The following KLF15 variants were observed in gnomAD, a reference collection of about 807,000 sequenced individuals.
KLF15 encodes the protein KLF transcription factor 15.
In KLF15, 4 loss-of-function variants were observed where a neutral mutation model predicts 24.6. That is an observed-to-expected ratio of 0.16 (90% CI 0.08 to 0.37). The LOEUF (loss-of-function observed/expected upper bound fraction) is 0.37. Among genes scored for constraint, KLF15 ranks in the 10% least tolerant of loss-of-function variants. The pLI, the probability that KLF15 is intolerant of heterozygous loss-of-function variation, is 1.00. For synonymous variants in KLF15, 246 were observed against 236.3 expected, an observed-to-expected ratio of 1.04 and a Z score of -0.37; for missense variants, 496 against 560.6, an observed-to-expected ratio of 0.88 and a Z score of 1.16.
chr3:126,289,972 A>G, the KLF15 span, among the ~76,000 whole-genome samples: 1 of 152,230 alleles, frequency 6.6e-6, no homozygotes, highest in African/African-American at 2.4e-5. Context: ...GCAAAAGAAA[A>G]GGAGCATGTA....
Position 126,351,948 on chromosome 3 carries a change from G to A in KLF15, c.975C>T (p.Phe325=). The change falls in exon 2 of 3, where the codon TTC becomes TTT. Residue 325 remains phenylalanine, a synonymous_variant. Coordinates refer to ENST00000296233, the MANE Select transcript of KLF15 (RefSeq NM_014079.4). The part of the protein sequence containing the change: ...AELIKMHKCT[F]PGCSKMYTKS... Reference sequence around the variant, plus strand: ...TGGTGTACATCTTGCTGCAGCCAGGGAAAGTACATTTGTGCATTTTGATGA... The same window carrying A: ...TGGTGTACATCTTGCTGCAGCCAGGAAAAGTACATTTGTGCATTTTGATGA... 1.2e-6 allele frequency: 2 copies of A among 1,612,980 alleles called. No homozygotes were observed. The highest frequency in any genetic ancestry group is 1.7e-6 in the Non-Finnish European group (2 of 1,179,494).
At position 126,351,919 on chromosome 3, in the gene KLF15, C is replaced by T. The variant is rs199639408; in HGVS notation, c.1004G>A (p.Ser335Asn). The T allele has an allele frequency of 6.8e-6, 11 of 1,614,040 alleles. No individual in the cohort carries two copies. The highest frequency in any genetic ancestry group is 9.3e-6 in the Non-Finnish European group (11 of 1,179,972). Residue 335 changes from serine to asparagine, a missense_variant, in exon 2 of 3, where the codon AGC becomes AAC. Transcript: ENST00000296233. ...GCGCAGGTGGGCCTTGAGGTGGCTG[C>T]TTTTGGTGTACATCTTGCTGCAGCC... ...FPGCSKMYTK[S>N]SHLKAHLRRH... is the part of the protein sequence containing the mutation.
chr3:126,344,932 C>T lies in KLF15; in HGVS notation c.1083-1037G>A, dbSNP rs533763437. Among the ~76,000 whole-genome samples, 6 of 152,354 alleles carry T rather than the reference C, an allele frequency of 3.9e-5. No individual in the cohort carries two copies. In the South Asian group the frequency reaches 1.2e-3, roughly 32 times the overall value. ...AGGGCCTGGACTGCTTGCCACCAAC[C>T]TCAGGGATTTGAGGCCCTCTCCACC... On this transcript the variant is annotated intron_variant, in intron 2 of 2. Coordinates refer to ENST00000296233, the MANE Select transcript of KLF15 (RefSeq NM_014079.4).
At chr3:126,315,187 C>T in the KLF15 span, among the ~76,000 whole-genome samples, 1 of 152,122 alleles carries the variant, frequency 6.6e-6, no homozygotes, top group East Asian at 1.9e-4. Flanking sequence ...TTTATAAGGA[C>T]ACCAGTCATA....
chr3:126,294,584 G>T, the KLF15 span, among the ~76,000 whole-genome samples: 7 of 152,116 alleles, frequency 4.6e-5, no homozygotes. Flanking sequence ...CAGTCCAAAG[G>T]GTGGCTCGAG....
the KLF15 span, among the ~76,000 whole-genome samples, chr3:126,299,911 G>A: frequency 5.3e-5 from 8 of 152,196 alleles, no homozygotes; most frequent in East Asian, 1.9e-4. Flanking sequence ...TCCAGGCTCC[G>A]TGACTGAGAG....
At chr3:126,351,521 C>G (rs890858348) in intron 2 of KLF15, among the ~76,000 whole-genome samples, 2 of 152,072 alleles carry the variant, frequency 1.3e-5, no homozygotes, top group Non-Finnish European at 2.9e-5. Context: ...GCCCCTAGAC[C>G]GCACTCATCC....
intron 1 of KLF15, among the ~76,000 whole-genome samples, chr3:126,355,979 G>A (rs898980769): frequency 2.0e-5 from 3 of 152,220 alleles, no homozygotes; most frequent in African/African-American, 4.8e-5. Context: ...TGCAGGGGGA[G>A]GGGACACGCT....
rs920637125 is a variant in KLF15, at chr3:126,356,651, G to T, written c.-26+586C>A. Among the ~76,000 whole-genome samples the T allele has an allele frequency of 6.6e-6, 1 of 152,124 alleles. No individual in the cohort carries two copies. The highest frequency in any genetic ancestry group is 2.4e-5 in the African/African-American group (1 of 41,432). On this transcript the variant is annotated intron_variant, in intron 1 of 2. Transcript: ENST00000296233. The surrounding 1 kb of genome is among the most constrained non-coding windows in gnomAD (Gnocchi z 4.4). ...CGCGGCAGCCGCTGTGGCTGTGCGGGAGGCTGTCCGCGAAGGACTCGCGCG... is the reference window on the plus strand; with the variant it reads ...CGCGGCAGCCGCTGTGGCTGTGCGGTAGGCTGTCCGCGAAGGACTCGCGCG...
rs142441515 is a variant in KLF15, at chr3:126,351,760, A to G, written c.1082+81T>C. On this transcript the variant is annotated intron_variant, in intron 2 of 2. Transcript: ENST00000296233. The stretch of plus-strand genomic sequence containing the variant: ...CTCATCTACCTTCTGTTAATGGTGG[A>G]AAATGGCCCTGCTGCACACCCAAGT... 1,015 of 804,248 alleles carry G rather than the reference A, an allele frequency of 1.3e-3. 14 individuals are homozygous for G. In the African/African-American group the frequency reaches 0.017, roughly 13 times the overall value. The allele number at this position is 804,248 out of a possible 1,614,324, so 49.8% of individuals were successfully genotyped here.
chr3:126,310,861 T>C, the KLF15 span, among the ~76,000 whole-genome samples: 1 of 152,204 alleles, frequency 6.6e-6, no homozygotes, highest in Non-Finnish European at 1.5e-5. Context: ...GGGGACACAA[T>C]GCAGCTCACA....
the KLF15 span, chr3:126,293,921 C>G: frequency 6.6e-6 from 1 of 152,276 alleles, no homozygotes; most frequent in African/African-American, 2.4e-5. Context: ...AGACTCACCT[C>G]GCCGTGGTCT....
chr3:126,323,232 C>T, the KLF15 span, among the ~76,000 whole-genome samples: 2 of 149,692 alleles, frequency 1.3e-5, no homozygotes, highest in South Asian at 4.2e-4. Context: ...TTTCTTTCCC[C>T]ACCCACCTCA....
At chr3:126,353,392 T>A (rs2082603845) in intron 1 of KLF15, among the ~76,000 whole-genome samples, 1 of 152,184 alleles carries the variant, frequency 6.6e-6, no homozygotes, top group Admixed American at 6.5e-5. Flanking sequence ...AGTCACAGAA[T>A]GGGGGTAGAA....
the KLF15 span, among the ~76,000 whole-genome samples, chr3:126,319,239 G>C: frequency 6.6e-6 from 1 of 152,192 alleles, no homozygotes; most frequent in Non-Finnish European, 1.5e-5. Flanking sequence ...ATGAGTAAAG[G>C]TGCTATCAAT....
At chr3:126,309,348 G>GAGCT in the KLF15 span, among the ~76,000 whole-genome samples, 1 of 152,196 alleles carries the variant, frequency 6.6e-6, no homozygotes, top group African/African-American at 2.4e-5. Context: ...GTGCATCCTG[G>GAGCT]AGCTGAGTGA....
chr3:126,318,337 G>A, the KLF15 span, among the ~76,000 whole-genome samples: 177 of 152,262 alleles, frequency 1.2e-3, 1 homozygote, highest in African/African-American at 3.8e-3. Flanking sequence ...TATGCCCAGG[G>A]ATTAGCCTGG....
chr3:126,334,029 C>G, the KLF15 span, among the ~76,000 whole-genome samples: 1 of 152,138 alleles, frequency 6.6e-6, no homozygotes, highest in Admixed American at 6.5e-5. Flanking sequence ...AGAAAGTCAA[C>G]AGGGATACCC....
the KLF15 span, among the ~76,000 whole-genome samples, chr3:126,308,061 G>A: frequency 9.2e-5 from 14 of 152,312 alleles, no homozygotes; most frequent in South Asian, 2.1e-4. Flanking sequence ...GGGGAGGAGC[G>A]CCGTGGCCTG....
Sources: gnomAD v4.1 joint callset for allele counts (sites outside exome capture counted in the v4.1 genomes callset) on GRCh38, gnomAD v4.1.1 for gene constraint, Gnocchi (gnomAD v3.1) non-coding constraint, MANE v1.5 for transcripts, NCBI Gene and HGNC (gene_info 2026-07-23, HGNC 2026-07-21) for gene names.